Variants in ZNF208 observed in about 807,000 individuals in gnomAD.
The protein encoded by ZNF208 is zinc finger protein 95.
In ZNF208, 10 loss-of-function variants were observed where a neutral mutation model predicts 12.1. The ratio of observed to expected loss-of-function variants is 0.83; its 90% CI spans 0.51 to 1.40. The LOEUF is 1.40. Ranked by LOEUF, ZNF208 falls within the 40% of genes most tolerant of loss-of-function variation. The probability of loss-of-function intolerance (pLI) is 0.00; values close to 1 mark genes in which losing one functional copy is unlikely to be tolerated. For synonymous variants in ZNF208, 497 were observed against 488.4 expected (o/e 1.02, Z -0.23); for missense variants, 1,652 against 1,485.0 (o/e 1.11, Z -1.85).
At chr19:22,002,369 TA>T (rs1369392628) in intron 1 of ZNF208, among the ~76,000 whole-genome samples, 1 of 152,040 alleles carries the variant, frequency 6.6e-6, no homozygotes, top group African/African-American at 2.4e-5. Context: ...AAGATAAAAA[TA>T]AAAGGCATCC....
intron 1 of ZNF208, among the ~76,000 whole-genome samples, chr19:22,000,371 A>G (rs1970923456): frequency 6.6e-6 from 1 of 152,210 alleles, no homozygotes; most frequent in Non-Finnish European, 1.5e-5. Flanking sequence ...CACAGATTAC[A>G]GCTTAAGAAA....
chr19:21,979,425 A>C (rs1428473316), intron 3 of ZNF208, among the ~76,000 whole-genome samples: 1 of 152,240 alleles, frequency 6.6e-6, no homozygotes, highest in Non-Finnish European at 1.5e-5. Flanking sequence ...GCCAATATTC[A>C]ACATTCTTAA....
rs1970213855 is a variant in ZNF208, at chr19:21,968,506, T to G, written c.*2685A>C. The G allele has an allele frequency of 1.3e-5, 2 of 152,144 alleles. No homozygotes were observed. The highest frequency in any genetic ancestry group is 4.8e-5 in the African/African-American group (2 of 41,448). The allele number at this position is 152,144 out of a possible 1,614,324, so 9.4% of individuals were successfully genotyped here. A position where few individuals can be genotyped will look rare whatever the true frequency, so the allele number is the denominator to read the frequency against. ...TGAATCACACTTATTGACTTCCATA[T>G]CATGAAACACCTTCATATATATGGA... On this transcript the variant is annotated 3_prime_UTR_variant, in exon 4 of 4. Coordinates refer to ENST00000397126, the MANE Select transcript of ZNF208 (RefSeq NM_007153.3).
rs1970355507 is a variant in ZNF208, at chr19:21,973,577, C to T, written c.1457G>A (p.Cys486Tyr). The T allele has an allele frequency of 4.3e-6, 7 of 1,609,386 alleles. No homozygotes were observed. The highest frequency in any genetic ancestry group is 3.3e-5 in the South Asian group (3 of 90,908). Residue 486 changes from cysteine to tyrosine, a missense_variant, in exon 4 of 4, where the codon TGT (cysteine) becomes TAT (tyrosine). This residue lies in a region of ZNF208 where 1,239 missense variants were observed against 1,086.2 expected (regional missense o/e 1.14). Coordinates refer to ENST00000397126, the MANE Select transcript of ZNF208 (RefSeq NM_007153.3). ...NGEKPYKCEE[C>Y]DKATHAGEKP... The stretch of plus-strand genomic sequence containing the variant: ...CTCTCCAGCATGAGTTGCCTTATCA[C>T]ATTCTTCACATTTGTAGGGTTTCTC...
intron 1 of ZNF208, among the ~76,000 whole-genome samples, chr19:21,989,282 C>T (rs1020733164): frequency 7.3e-5 from 10 of 136,750 alleles, no homozygotes; most frequent in African/African-American, 1.6e-4. Context: ...GTTCCCCTTC[C>T]GGTGTCCATG....
rs751772619 is a variant in ZNF208, at chr19:21,987,258, A to G, written c.184T>C (p.Ser62Pro). The change falls in exon 3 of 4, where the codon TCC becomes CCC. Residue 62 changes from serine to proline, a missense_variant. By Grantham distance (74) the Ser-to-Pro change is moderately conservative (BLOSUM62 -1). This residue lies in a region of ZNF208 where 410 missense variants were observed against 378.2 expected (regional missense o/e 1.08). Coordinates refer to ENST00000397126, the MANE Select transcript of ZNF208 (RefSeq NM_007153.3). The part of the protein sequence containing the change: ...LIIFLEEGKE[S>P]WNMKRHEMVE... ...ATCTCATGTCTCTTCATATTCCAGG[A>G]CTCTTTTCCTTCCTCCAGAAAAATG... 1 of 1,612,090 alleles carries G rather than the reference A, an allele frequency of 6.2e-7. No homozygotes were observed. The highest frequency in any genetic ancestry group is 1.3e-5 in the African/African-American group (1 of 74,648).
At position 21,969,592 on chromosome 19, in the gene ZNF208, A is replaced by G. The variant is rs1970241292; in HGVS notation, c.*1599T>C. ...GTTTTATAATCTGTAGTTTTTGAAA[A>G]AATGTTTTTCCAAATTTATTAAATT... On this transcript the variant is annotated 3_prime_UTR_variant, in exon 4 of 4. Transcript: ENST00000397126. Among the ~76,000 whole-genome samples the G allele has an allele frequency of 6.6e-6, 1 of 152,168 alleles. No homozygotes were observed.
At chr19:21,965,972 G>A (rs907936153), downstream of ZNF208, 7 of 151,932 alleles carry the variant, frequency 4.6e-5, no homozygotes, top group African/African-American at 1.7e-4. Context: ...TTTCAGGTTA[G>A]CTTATAAAAT....
At chr19:21,992,619 G>T (rs776944911) in intron 1 of ZNF208, among the ~76,000 whole-genome samples, 5 of 152,090 alleles carry the variant, frequency 3.3e-5, no homozygotes, top group Admixed American at 2.0e-4. Flanking sequence ...TTCCCCAATA[G>T]GAATTTTGAG....
intron 4 of ZNF208, among the ~76,000 whole-genome samples, chr19:21,947,480 G>A (rs1969832431): frequency 6.6e-6 from 1 of 152,084 alleles, no homozygotes; most frequent in African/African-American, 2.4e-5. Flanking sequence ...TAGTGGAATG[G>A]GATTGTTCTC....
chr19:21,988,839 T>A lies in ZNF208; in HGVS notation c.74A>T (p.Gln25Leu). ...CATCACATTTCTATATAAATTCTGC[T>A]GTGCAGTGTCCAGGCATTGCCACTC... is the stretch of plus-strand genomic sequence containing the variant. ...LEEWQCLDTA[Q>L]QNLYRNVMLE... The change falls in exon 2 of 4, where the codon CAG (glutamine) becomes CTG (leucine). Residue 25 changes from glutamine (Q) to leucine (L), a missense_variant. Coordinates refer to ENST00000397126, the MANE Select transcript of ZNF208 (RefSeq NM_007153.3). 1 of 1,614,170 alleles carries A rather than the reference T, an allele frequency of 6.2e-7. No individual in the cohort carries two copies. The highest frequency in any genetic ancestry group is 8.5e-7 in the Non-Finnish European group (1 of 1,179,990).
chr19:21,993,989 C>G (rs946125288), intron 1 of ZNF208, among the ~76,000 whole-genome samples: 2 of 152,206 alleles, frequency 1.3e-5, no homozygotes, highest in East Asian at 3.9e-4. Flanking sequence ...CCTAATAACA[C>G]CCTTTCAGTT....
chr19:21,974,044 T>A lies in ZNF208; in HGVS notation c.990A>T (p.Thr330=), dbSNP rs573880477. Residue 330 remains threonine (T), a synonymous_variant, in exon 4 of 4, where the codon ACA becomes ACT. Coordinates refer to ENST00000397126, the MANE Select transcript of ZNF208 (RefSeq NM_007153.3). ...TCTCTCCAGCATGAATTGCCTTATGTGTAATAAGGGTTGAGACCTTACTGA... is the reference window on the plus strand; with the variant it reads ...TCTCTCCAGCATGAATTGCCTTATGAGTAATAAGGGTTGAGACCTTACTGA... ...KAFSKVSTLI[T]HKAIHAGEKP... is the part of the protein sequence containing the mutation. The A allele has an allele frequency of 4.5e-5, 60 of 1,326,542 alleles. 9 individuals are homozygous for A. The highest frequency in any genetic ancestry group is 5.8e-5 in the Non-Finnish European group (58 of 996,752). 82.2% of individuals were successfully genotyped at this position (1,326,542 alleles called of 1,614,324 possible).
intron 3 of ZNF208, among the ~76,000 whole-genome samples, chr19:21,985,157 A>T (rs561215609): frequency 2.4e-4 from 36 of 152,340 alleles, no homozygotes; most frequent in Admixed American, 1.0e-3. Context: ...ACAAAAAGAC[A>T]AAGATTGTAT....
intron 4 of ZNF208, among the ~76,000 whole-genome samples, chr19:21,958,086 T>C (rs1322060796): frequency 2.0e-5 from 3 of 152,090 alleles, no homozygotes; most frequent in Non-Finnish European, 4.4e-5. Flanking sequence ...ATATGCAGTT[T>C]GGTTTTTTGT....
intron 1 of ZNF208, among the ~76,000 whole-genome samples, chr19:21,996,039 G>A (rs572421455): frequency 2.6e-5 from 4 of 152,124 alleles, no homozygotes; most frequent in African/African-American, 9.7e-5. Flanking sequence ...ACCTCACTCT[G>A]CATTTTTGGG....
At chr19:21,952,672 C>T (rs558509926) in intron 4 of ZNF208, among the ~76,000 whole-genome samples, 63 of 152,302 alleles carry the variant, frequency 4.1e-4, no homozygotes, top group Non-Finnish European at 6.5e-4. Flanking sequence ...ATGTCACCAA[C>T]ATTAAAGACC....
chr19:21,978,542 T>G (rs1024888126), intron 3 of ZNF208, among the ~76,000 whole-genome samples: 1 of 152,142 alleles, frequency 6.6e-6, no homozygotes, highest in African/African-American at 2.4e-5. Context: ...TCCAAAAGGA[T>G]GTTTACTCAG....
chr19:21,971,914 C>A lies in ZNF208; in HGVS notation c.3120G>T (p.Trp1040Cys), dbSNP rs374010593. The change falls in exon 4 of 4, where the codon TGG becomes TGT. Residue 1040 changes from tryptophan to cysteine, a missense_variant. Transcript: ENST00000397126. ...KCEECDKAFS[W>C]PSSLTEHKAT... ...CCTTATGTTCAGTAAGGCTTGAGGGCCAGCTGAAGGCTTTGTCACATTCTT... is the reference window on the plus strand; with the variant it reads ...CCTTATGTTCAGTAAGGCTTGAGGGACAGCTGAAGGCTTTGTCACATTCTT... 1.6e-5 allele frequency: 24 copies of A among 1,529,678 alleles called. No homozygotes were observed. The highest frequency in any genetic ancestry group is 1.7e-4 in the Middle Eastern group (1 of 5,786). 94.8% of individuals were successfully genotyped at this position (1,529,678 alleles called of 1,614,324 possible). A position where few individuals can be genotyped will look rare whatever the true frequency, so the allele number is the denominator to read the frequency against.
Sources: allele counts gnomAD v4.1 joint callset (sites outside exome capture counted in the v4.1 genomes callset), GRCh38; gene constraint gnomAD v4.1.1; regional missense constraint gnomAD v4.1.1; transcripts MANE v1.5; gene names NCBI Gene and HGNC (gene_info 2026-07-23, HGNC 2026-07-21).